The following CSMD2 variants were observed in gnomAD, a reference collection of about 807,000 sequenced individuals.
CSMD2 encodes CUB and Sushi multiple domains 2, also known as CUB and sushi domain-containing protein 2.
A neutral mutation model predicts 398.5 loss-of-function variants in CSMD2; 130 were observed. The observed-to-expected ratio is 0.33, with a 90% CI of 0.28 to 0.38. The LOEUF is 0.38. Among genes scored for constraint, CSMD2 ranks in the 10% least tolerant of loss-of-function variants. The pLI is 1.00. For missense variants in CSMD2, 3,829 were observed against 4,764.9 expected (o/e 0.80, Z 5.78); for synonymous variants, 1,828 against 1,908.5 (o/e 0.96, Z 1.10).
chr1:33,800,147 C>T (rs1239450894), intron 10 of CSMD2, among the ~76,000 whole-genome samples: 1 of 152,202 alleles, frequency 6.6e-6, no homozygotes, highest in Non-Finnish European at 1.5e-5. Flanking sequence ...GCCCACCCAG[C>T]CTCAGTTTAC....
chr1:33,617,745 G>A, intron 37 of CSMD2, 128 bp from the exon 38 acceptor site: 2 of 687,304 alleles, frequency 2.9e-6, no homozygotes, highest in African/African-American at 1.7e-5. Context: ...CTCTCATCCT[G>A]TAGGCTAGTT....
chr1:33,665,460 CTTTTT>C (rs745495781), intron 25 of CSMD2, among the ~76,000 whole-genome samples: 24 of 73,928 alleles, frequency 3.2e-4, no homozygotes, highest in African/African-American at 1.3e-3. Context: ...TTTCTTCTCT[CTTTTT>C]TTTTTTTTTT....
At chr1:33,713,025 C>CA (rs1646045209) in intron 21 of CSMD2, among the ~76,000 whole-genome samples, 1 of 152,186 alleles carries the variant, frequency 6.6e-6, no homozygotes, top group South Asian at 2.1e-4. Flanking sequence ...ATGTTATTGG[C>CA]AAAATGCTGA....
chr1:33,916,062 C>G (rs990286285), intron 5 of CSMD2, among the ~76,000 whole-genome samples: 17 of 152,234 alleles, frequency 1.1e-4, no homozygotes, highest in African/African-American at 4.1e-4. Context: ...GAGCTTATAA[C>G]CTGTCTGGCA....
At chr1:33,652,807 T>G (rs936667805) in intron 27 of CSMD2, among the ~76,000 whole-genome samples, 2 of 152,264 alleles carry the variant, frequency 1.3e-5, no homozygotes, top group Non-Finnish European at 2.9e-5. Context: ...CAGGCTGGAT[T>G]GCAGTAGCGC....
intron 10 of CSMD2, 43 bp from the exon 11 acceptor site, chr1:33,792,569 G>T: frequency 7.2e-7 from 1 of 1,388,158 alleles, no homozygotes; most frequent in South Asian, 1.2e-5. Flanking sequence ...GGGGCTGTGA[G>T]GAAGCCTTCC....
intron 3 of CSMD2, among the ~76,000 whole-genome samples, chr1:34,010,606 G>T (rs1308711095): frequency 6.7e-6 from 1 of 150,360 alleles, no homozygotes; most frequent in Non-Finnish European, 1.5e-5. Flanking sequence ...TGACTCTCTT[G>T]ATTTTTTTTT....
At chr1:33,852,783 C>A (rs1638810394) in intron 5 of CSMD2, among the ~76,000 whole-genome samples, 1 of 152,220 alleles carries the variant, frequency 6.6e-6, no homozygotes, top group Non-Finnish European at 1.5e-5. Flanking sequence ...TTTCATAGAA[C>A]AGGGGTTGGC....
chr1:34,016,853 C>T (rs560486443), intron 3 of CSMD2, among the ~76,000 whole-genome samples: 10 of 152,258 alleles, frequency 6.6e-5, no homozygotes, highest in African/African-American at 9.6e-5. Flanking sequence ...GATTAGAAAA[C>T]GTGCCACATT....
intron 3 of CSMD2, among the ~76,000 whole-genome samples, chr1:34,010,606 G>C (rs1308711095): frequency 6.7e-6 from 1 of 150,360 alleles, no homozygotes; most frequent in African/African-American, 2.5e-5. Context: ...TGACTCTCTT[G>C]ATTTTTTTTT....
In CSMD2 at chr1:33,574,570, T is replaced by A. The variant is rs375824418; in HGVS notation, c.7577-1879A>T. On this transcript the variant is annotated intron_variant, in intron 49 of 70. Transcript: ENST00000373381. Reference sequence around the variant, plus strand: ...CAGAATAAGCTTGGGCAGAGTCCCATTGAGATTGCCTAACAAGATGCTTGA... The same window carrying A: ...CAGAATAAGCTTGGGCAGAGTCCCAATGAGATTGCCTAACAAGATGCTTGA... Among the ~76,000 whole-genome samples the A allele has an allele frequency of 3.9e-5, 6 of 152,140 alleles. No homozygotes were observed. In the East Asian group the frequency reaches 1.2e-3, roughly 29 times the overall value.
intron 2 of CSMD2, among the ~76,000 whole-genome samples, chr1:34,076,928 A>AAAAAAAATATATATAT (rs1232288848): frequency 1.9e-5 from 1 of 53,600 alleles, no homozygotes; most frequent in African/African-American, 8.6e-5. Context: ...AAAAAAAAAA[A>AAAAAAAATATATATAT]ATATATATAT....
intron 4 of CSMD2, among the ~76,000 whole-genome samples, chr1:33,930,840 A>ATCTT (rs1203449060): frequency 1.3e-5 from 2 of 152,128 alleles, no homozygotes; most frequent in Non-Finnish European, 2.9e-5. Context: ...ATGGGTCAGG[A>ATCTT]TCTTTGGGAT....
chr1:33,555,520 T>C (rs1050064918), intron 55 of CSMD2, among the ~76,000 whole-genome samples: 3 of 152,186 alleles, frequency 2.0e-5, no homozygotes, highest in Non-Finnish European at 2.9e-5. Context: ...GGTAAAATGC[T>C]ATCAAACAGC....
rs1643054705 is a variant in CSMD2 at position 33,905,820 on chromosome 1, C to T, written c.920+12274G>A. On this transcript the variant is annotated intron_variant, in intron 5 of 70. Transcript: ENST00000373381. ...GACAGGAACCACGGCATCTTGTCTA[C>T]AGAAGCATGAGGTGTGGCAGAGAAC... Among the ~76,000 whole-genome samples, 4 of 152,208 alleles carry T rather than the reference C, an allele frequency of 2.6e-5. No individual in the cohort carries two copies. In the South Asian group the frequency reaches 8.3e-4, roughly 32 times the overall value.
intron 5 of CSMD2, among the ~76,000 whole-genome samples, chr1:33,849,753 A>T (rs1215383428): frequency 1.3e-5 from 2 of 151,880 alleles, no homozygotes; most frequent in East Asian, 3.9e-4. Flanking sequence ...AGACAGTGAG[A>T]CCCCATTTTA....
At chr1:33,678,375 C>A (rs1644792623) in intron 25 of CSMD2, among the ~76,000 whole-genome samples, 1 of 151,750 alleles carries the variant, frequency 6.6e-6, no homozygotes, top group Admixed American at 6.6e-5. Flanking sequence ...ATTCATGGCA[C>A]CTTGACCTGT....
chr1:33,769,684 TAA>T (rs977565357), intron 13 of CSMD2, among the ~76,000 whole-genome samples: 7 of 152,168 alleles, frequency 4.6e-5, no homozygotes, highest in Admixed American at 3.9e-4. Flanking sequence ...AATTCCCTAG[TAA>T]AGAGTTGTTT....
chr1:34,079,677 T>C (rs76430756), intron 2 of CSMD2, among the ~76,000 whole-genome samples: 6,682 of 152,160 alleles, frequency 0.044, 515 homozygotes, highest in African/African-American at 0.15. Flanking sequence ...TTCTACAAGA[T>C]AGAGTCAGTA....
Sources: gnomAD v4.1 joint callset for allele counts (sites outside exome capture counted in the v4.1 genomes callset) on GRCh38, gnomAD v4.1.1 for gene constraint, MANE v1.5 for transcripts, NCBI Gene and HGNC (gene_info 2026-07-23, HGNC 2026-07-21) for gene names.